The following GPD2 variants were observed in gnomAD, a reference collection of about 807,000 sequenced individuals.
The protein encoded by GPD2 is glycerol-3-phosphate dehydrogenase, mitochondrial.
A neutral mutation model predicts 82.4 loss-of-function variants in GPD2; 54 were observed. That is an observed-to-expected ratio of 0.66 (90% confidence interval 0.53 to 0.82). The LOEUF (loss-of-function observed/expected upper bound fraction) is 0.82. GPD2 is among the 40% of genes least tolerant of loss of function. GPD2 has a pLI of 0.00. For synonymous variants in GPD2, 288 were observed against 306.1 expected, an observed-to-expected ratio of 0.94 and a Z score of 0.62; for missense variants, 748 against 896.2, an observed-to-expected ratio of 0.83 and a Z score of 2.11.
chr2:156,555,160 G>T (rs941430068), intron 8 of GPD2, among the ~76,000 whole-genome samples: 10 of 152,186 alleles, frequency 6.6e-5, no homozygotes, highest in African/African-American at 1.9e-4. Context: ...ATATTTCCAA[G>T]TGGATTCTTA....
intron 2 of GPD2, among the ~76,000 whole-genome samples, chr2:156,478,323 A>G (rs892719109): frequency 3.9e-5 from 6 of 152,206 alleles, no homozygotes; most frequent in African/African-American, 1.4e-4. Flanking sequence ...GAAGTCATTT[A>G]TAATTTTAAC....
At chr2:156,413,695 G>A in the GPD2 span, among the ~76,000 whole-genome samples, 15 of 151,264 alleles carry the variant, frequency 9.9e-5, no homozygotes, top group East Asian at 2.0e-4. Context: ...ACCTAAGGTC[G>A]GGAGTCCAAG....
intron 13 of GPD2, among the ~76,000 whole-genome samples, chr2:156,574,242 T>C (rs1455611494): frequency 6.6e-6 from 1 of 151,924 alleles, no homozygotes; most frequent in East Asian, 1.9e-4. Flanking sequence ...CCAAATTGTG[T>C]TCTGCAGGGT....
chr2:156,483,208 C>A (rs1392689843), intron 2 of GPD2, among the ~76,000 whole-genome samples: 1 of 152,066 alleles, frequency 6.6e-6, no homozygotes, highest in East Asian at 1.9e-4. Context: ...TTTGAATAGA[C>A]CCCAAATAAA....
chr2:156,541,006 T>A (rs996120796), intron 6 of GPD2, among the ~76,000 whole-genome samples: 14 of 152,270 alleles, frequency 9.2e-5, no homozygotes, highest in African/African-American at 2.7e-4. Context: ...TAGTCTTTGC[T>A]TTCCAGCAAT....
intron 6 of GPD2, among the ~76,000 whole-genome samples, chr2:156,535,952 TCA>T (rs1686061664): frequency 1.3e-5 from 2 of 152,220 alleles, no homozygotes; most frequent in Admixed American, 6.5e-5. Context: ...CAACCTGGTC[TCA>T]GTTTAGGCTT....
At chr2:156,580,095 G>A (rs1687975899) in intron 16 of GPD2, among the ~76,000 whole-genome samples, 1 of 152,132 alleles carries the variant, frequency 6.6e-6, no homozygotes, top group Non-Finnish European at 1.5e-5. Flanking sequence ...GTATGCCATG[G>A]CATATCAATG....
chr2:156,449,139 A>C (rs550911152), intron 1 of GPD2, among the ~76,000 whole-genome samples: 43 of 152,306 alleles, frequency 2.8e-4, no homozygotes, highest in African/African-American at 1.0e-3. Flanking sequence ...TTAAGGTCTT[A>C]ATTTAATCAC....
At chr2:156,438,100 A>G (rs944892375) in intron 1 of GPD2, among the ~76,000 whole-genome samples, 7 of 152,066 alleles carry the variant, frequency 4.6e-5, no homozygotes, top group Non-Finnish European at 7.4e-5. Flanking sequence ...TGTTTTCTCA[A>G]TGAGTGACCT....
intron 1 of GPD2, among the ~76,000 whole-genome samples, chr2:156,447,555 G>A (rs976615927): frequency 6.6e-6 from 1 of 152,062 alleles, no homozygotes; most frequent in Non-Finnish European, 1.5e-5. Context: ...GGCTGGTCTT[G>A]AACTCCTGGG....
intron 8 of GPD2, among the ~76,000 whole-genome samples, chr2:156,555,357 G>A (rs1686924636): frequency 6.6e-6 from 1 of 152,062 alleles, no homozygotes; most frequent in African/African-American, 2.4e-5. Flanking sequence ...TTCAGTAGTT[G>A]TGCATTTCTA....
At chr2:156,481,949 A>G (rs1683748949) in intron 2 of GPD2, among the ~76,000 whole-genome samples, 1 of 152,142 alleles carries the variant, frequency 6.6e-6, no homozygotes, top group South Asian at 2.1e-4. Context: ...ATTTTCTTAA[A>G]TTCTCTCAGC....
intron 6 of GPD2, among the ~76,000 whole-genome samples, chr2:156,547,358 T>C (rs772049025): frequency 6.6e-6 from 1 of 152,186 alleles, no homozygotes; most frequent in Non-Finnish European, 1.5e-5. Context: ...TCATGAGAGA[T>C]GAAGAGAGGT....
intron 6 of GPD2, among the ~76,000 whole-genome samples, chr2:156,533,724 G>A (rs911234133): frequency 2.0e-5 from 3 of 152,198 alleles, no homozygotes; most frequent in Non-Finnish European, 4.4e-5. Flanking sequence ...CTGCATGTAT[G>A]TAAAATTTTA....
chr2:156,521,039 T>C (rs1685387548), intron 6 of GPD2, among the ~76,000 whole-genome samples: 1 of 152,192 alleles, frequency 6.6e-6, no homozygotes, highest in South Asian at 2.1e-4. Flanking sequence ...GGGGAACTGT[T>C]GCATGTGTCT....
intron 1 of GPD2, among the ~76,000 whole-genome samples, chr2:156,468,307 A>ACCT (rs1457673875): frequency 6.6e-6 from 1 of 152,102 alleles, no homozygotes; most frequent in Non-Finnish European, 1.5e-5. Context: ...GTTTGCTAGG[A>ACCT]CCTTCTCTGA....
chr2:156,513,276 T>C (rs1685068274), intron 5 of GPD2, 57 bp from the exon 6 acceptor site: 1 of 1,179,500 alleles, frequency 8.5e-7, no homozygotes, highest in African/African-American at 1.5e-5. Flanking sequence ...TGTAAGGTAA[T>C]ATTCTATAAT....
At chr2:156,517,215 C>T (rs1295856272) in intron 6 of GPD2, among the ~76,000 whole-genome samples, 1 of 152,170 alleles carries the variant, frequency 6.6e-6, no homozygotes, top group East Asian at 1.9e-4. Context: ...GCCTTGGCCT[C>T]CCAAAGTGTT....
At chr2:156,412,913 A>G in the GPD2 span, among the ~76,000 whole-genome samples, 3 of 152,176 alleles carry the variant, frequency 2.0e-5, no homozygotes, top group Admixed American at 6.5e-5. Flanking sequence ...CCTGGGCAAC[A>G]TAGTGAAACC....
Sources: allele counts gnomAD v4.1 joint callset (sites outside exome capture counted in the v4.1 genomes callset), GRCh38; gene constraint gnomAD v4.1.1; transcripts MANE v1.5; gene names NCBI Gene and HGNC (gene_info 2026-07-23, HGNC 2026-07-21).